NKAIN3: variants seen among roughly 807,000 people sequenced by gnomAD.
NKAIN3 encodes sodium/potassium transporting ATPase interacting 3.
In NKAIN3, 25 loss-of-function variants were observed where a neutral mutation model predicts 30.2. The ratio of observed to expected loss-of-function variants is 0.83; its 90% confidence interval spans 0.60 to 1.16. The LOEUF (loss-of-function observed/expected upper bound fraction) is 1.16. Among genes scored for constraint, NKAIN3 ranks in the 50% most tolerant of loss-of-function variants. The pLI is 0.00. For missense variants in NKAIN3, 225 were observed against 254.1 expected, an observed-to-expected ratio of 0.89 and a Z score of 0.78; for synonymous variants, 91 against 89.6, an observed-to-expected ratio of 1.02 and a Z score of -0.09.
chr8:62,915,691 C>T (rs1822075906), intron 4 of NKAIN3, among the ~76,000 whole-genome samples: 1 of 152,098 alleles, frequency 6.6e-6, no homozygotes, highest in Admixed American at 6.6e-5. Context: ...AGGGAGAACC[C>T]ACCAAGAACT....
At chr8:62,341,263 G>T (rs1815736552) in intron 1 of NKAIN3, among the ~76,000 whole-genome samples, 1 of 152,008 alleles carries the variant, frequency 6.6e-6, no homozygotes, top group South Asian at 2.1e-4. Flanking sequence ...CTTAAAGCAT[G>T]TGATTTGGTT....
intron 1 of NKAIN3, among the ~76,000 whole-genome samples, chr8:62,449,122 A>G (rs1291628411): frequency 6.6e-6 from 1 of 152,006 alleles, no homozygotes; most frequent in Non-Finnish European, 1.5e-5. Context: ...CCCTTTTTTA[A>G]TGTAGTATTA....
chr8:62,353,947 C>A (rs1211185306), intron 1 of NKAIN3, among the ~76,000 whole-genome samples: 1 of 152,116 alleles, frequency 6.6e-6, no homozygotes, highest in Admixed American at 6.5e-5. Context: ...TTAATGGCTC[C>A]TTAAAAGAAG....
rs1277299965 is a variant in NKAIN3, at chr8:62,973,619, G to C, written c.*8212G>C. Among the ~76,000 whole-genome samples the C allele has an allele frequency of 6.6e-6, 1 of 152,216 alleles. No individual in the cohort carries two copies. Among genetic ancestry groups the C allele is most frequent in the East Asian group, 1.9e-4 (1 of 5,184 alleles). ...TTTTCTCCCATTCTGTAGGTTGCCT[G>C]TTCACTCTGATAATAGTTTCTTTTG... On this transcript the variant is annotated 3_prime_UTR_variant, in exon 7 of 7. Transcript: ENST00000623646.
intron 5 of NKAIN3, among the ~76,000 whole-genome samples, chr8:62,930,492 G>T (rs569860447): frequency 6.6e-6 from 1 of 152,096 alleles, no homozygotes; most frequent in African/African-American, 2.4e-5. Context: ...GACCACAGGT[G>T]ATCCACCCGC....
At chr8:62,461,773 A>G (rs1029799177) in intron 1 of NKAIN3, among the ~76,000 whole-genome samples, 1 of 152,194 alleles carries the variant, frequency 6.6e-6, no homozygotes, top group Non-Finnish European at 1.5e-5. Flanking sequence ...AGTGAGAGTA[A>G]CAGAAATAAA....
chr8:62,388,050 G>C (rs1817481602), intron 1 of NKAIN3, among the ~76,000 whole-genome samples: 1 of 152,078 alleles, frequency 6.6e-6, no homozygotes, highest in Non-Finnish European at 1.5e-5. Context: ...ATGACATTGT[G>C]GAGTGTAACT....
Position 62,973,918 on chromosome 8 carries a change from G to C in NKAIN3, c.*8511G>C, listed in dbSNP as rs1220798557. Among the ~76,000 whole-genome samples the C allele has an allele frequency of 6.6e-6, 1 of 152,148 alleles. No individual in the cohort carries two copies. Among genetic ancestry groups the C allele is most frequent in the African/African-American group, 2.4e-5 (1 of 41,444 alleles). Reference sequence around the variant, plus strand: ...TTTTCCCAGCACCATTTATTAAATAGGAAATCCTTTCCCCATTGCTTGTTT... The same window carrying C: ...TTTTCCCAGCACCATTTATTAAATACGAAATCCTTTCCCCATTGCTTGTTT... On this transcript the variant is annotated 3_prime_UTR_variant, in exon 7 of 7. Coordinates refer to ENST00000623646, the MANE Select transcript of NKAIN3 (RefSeq NM_001304533.3).
chr8:62,481,413 A>T (rs906728900), intron 1 of NKAIN3, among the ~76,000 whole-genome samples: 15 of 151,992 alleles, frequency 9.9e-5, no homozygotes, highest in African/African-American at 3.4e-4. Context: ...TCTCATATGG[A>T]CATAGATGTT....
rs370646029 is a variant in NKAIN3 at position 62,812,973 on chromosome 8, C to G, written c.471+65844C>G. On this transcript the variant is annotated intron_variant, in intron 4 of 6. Coordinates refer to ENST00000623646, the MANE Select transcript of NKAIN3 (RefSeq NM_001304533.3). ...CTTTTCTTGTAACAGGTACTTTCCT[C>G]TAGGTTCATTTTTCTTGTTGCTGAA... Among the ~76,000 whole-genome samples the G allele has an allele frequency of 7.2e-5, 11 of 151,956 alleles. No homozygotes were observed. In the East Asian group the frequency reaches 1.5e-3, roughly 21 times the overall value.
chr8:62,758,068 C>A (rs566527538), intron 4 of NKAIN3, among the ~76,000 whole-genome samples: 1 of 152,240 alleles, frequency 6.6e-6, no homozygotes, highest in African/African-American at 2.4e-5. Flanking sequence ...AATTCAACCT[C>A]GAGGAGGACT....
Position 62,846,890 on chromosome 8 carries a change from C to T in NKAIN3, c.472-71563C>T, listed in dbSNP as rs576120641. Among the ~76,000 whole-genome samples the T allele has an allele frequency of 1.2e-4, 19 of 152,196 alleles. No homozygotes were observed. The East Asian group carries it at 2.3e-3, about 19-fold the overall frequency. ...ATGAGGAGCAAAGTCATGTCTTACA[C>T]GGTGGCAGGCAAGAGAGCTTGTGCA... is the stretch of plus-strand genomic sequence containing the variant. On this transcript the variant is annotated intron_variant, in intron 4 of 6. Coordinates refer to ENST00000623646, the MANE Select transcript of NKAIN3 (RefSeq NM_001304533.3).
rs1466695662 is a variant in NKAIN3, at chr8:62,983,729, C to A, written c.*18322C>A. The A allele has an allele frequency of 2.6e-5, 4 of 152,204 alleles. No individual in the cohort carries two copies. The highest frequency in any genetic ancestry group is 9.7e-5 in the African/African-American group (4 of 41,450). 9.4% of individuals were successfully genotyped at this position (152,204 alleles called of 1,614,324 possible). A position where few individuals can be genotyped will look rare whatever the true frequency, so the allele number is the denominator to read the frequency against. On this transcript the variant is annotated 3_prime_UTR_variant, in exon 7 of 7. Transcript: ENST00000623646. ...AAATAAGCCCCCTCTTGCTCAGGACCTGACTAACATTTCAGAACTGCGGTC... is the reference window on the plus strand; with the variant it reads ...AAATAAGCCCCCTCTTGCTCAGGACATGACTAACATTTCAGAACTGCGGTC...
chr8:62,251,591 G>T (rs1252802364), intron 1 of NKAIN3, among the ~76,000 whole-genome samples: 2 of 152,080 alleles, frequency 1.3e-5, no homozygotes, highest in African/African-American at 4.8e-5. Context: ...GGCTGAATTG[G>T]ATAATAGTTT....
At position 62,487,523 on chromosome 8, in the gene NKAIN3, A is replaced by C. The variant is rs1005933716; in HGVS notation, c.55-92016A>C. Among the ~76,000 whole-genome samples, 5 of 152,316 alleles carry C rather than the reference A, an allele frequency of 3.3e-5. 1 individual carries two copies. The Middle Eastern group carries it at 0.01, about 311-fold the overall frequency. On this transcript the variant is annotated intron_variant, in intron 1 of 6. Coordinates refer to ENST00000623646, the MANE Select transcript of NKAIN3 (RefSeq NM_001304533.3). ...AGTTAAGACAGCATTGCATGTTATA[A>C]TTCCAGCAGTGATCTTATCATGAAG...
intron 1 of NKAIN3, among the ~76,000 whole-genome samples, chr8:62,577,996 T>G (rs1355641141): frequency 6.6e-6 from 1 of 152,106 alleles, no homozygotes; most frequent in Non-Finnish European, 1.5e-5. Flanking sequence ...TATTCAAGCA[T>G]ACACCTGCCA....
chr8:62,547,534 G>A (rs1438540785), intron 1 of NKAIN3, among the ~76,000 whole-genome samples: 1 of 152,148 alleles, frequency 6.6e-6, no homozygotes, highest in Non-Finnish European at 1.5e-5. Flanking sequence ...GGTGAGTGAG[G>A]AGGTTAGAAA....
At position 62,967,399 on chromosome 8, in the gene NKAIN3, A is replaced by G. The variant is rs963868736; in HGVS notation, c.*1992A>G. The stretch of plus-strand genomic sequence containing the variant: ...CAAAGGTGAGGTGAGAATTTAACGA[A>G]AAATGTAAAAAAATTCTCAGTACAC... On this transcript the variant is annotated 3_prime_UTR_variant, in exon 7 of 7. Transcript: ENST00000623646. 6.6e-6 allele frequency among the ~76,000 whole-genome samples: 1 copy of G among 152,190 alleles called. No individual in the cohort carries two copies. The highest frequency in any genetic ancestry group is 2.4e-5 in the African/African-American group (1 of 41,438).
At chr8:62,782,040 C>T (rs912683858) in intron 4 of NKAIN3, among the ~76,000 whole-genome samples, 2 of 151,826 alleles carry the variant, frequency 1.3e-5, no homozygotes, top group South Asian at 2.1e-4. Flanking sequence ...ACTACTTATT[C>T]AACAGGGTAT....
Sources: allele counts gnomAD v4.1 joint callset (sites outside exome capture counted in the v4.1 genomes callset), GRCh38; gene constraint gnomAD v4.1.1; transcripts MANE v1.5; gene names NCBI Gene and HGNC (gene_info 2026-07-23, HGNC 2026-07-21).